Variants in COL10A1 observed in about 807,000 individuals in gnomAD.
COL10A1 encodes collagen alpha-1(X) chain.
A neutral mutation model predicts 18.2 loss-of-function variants in COL10A1; 10 were observed. That is an observed-to-expected ratio of 0.55 (90% confidence interval 0.34 to 0.93). COL10A1 has a LOEUF of 0.93. Among genes scored for constraint, COL10A1 ranks in the 40% least tolerant of loss-of-function variants. The probability of loss-of-function intolerance (pLI) is 0.02; values close to 1 mark genes in which losing one functional copy is unlikely to be tolerated. For synonymous variants in COL10A1, 330 were observed against 316.6 expected, an observed-to-expected ratio of 1.04 and a Z score of -0.45; for missense variants, 897 against 853.5, an observed-to-expected ratio of 1.05 and a Z score of -0.64.
the COL10A1 span, among the ~76,000 whole-genome samples, chr6:116,164,847 G>A: frequency 6.6e-6 from 1 of 152,020 alleles, no homozygotes; most frequent in Non-Finnish European, 1.5e-5. Flanking sequence ...GCTTTGGGAG[G>A]CCGAGGCAGG....
the COL10A1 span, among the ~76,000 whole-genome samples, chr6:116,168,284 C>A: frequency 6.6e-6 from 1 of 151,938 alleles, no homozygotes; most frequent in Non-Finnish European, 1.5e-5. Context: ...TTCACCTTCT[C>A]TCTTTTCTTG....
At chr6:116,140,119 C>T (rs575888143) in intron 1 of COL10A1, among the ~76,000 whole-genome samples, 3 of 152,282 alleles carry the variant, frequency 2.0e-5, no homozygotes, top group Admixed American at 6.5e-5. Context: ...TTGAATGCCG[C>T]CCTCCTATGG....
At chr6:116,178,860 T>TA in the COL10A1 span, among the ~76,000 whole-genome samples, 290 of 152,348 alleles carry the variant, frequency 1.9e-3, 4 homozygotes, top group African/African-American at 6.4e-3. Context: ...GTTTGCCTTA[T>TA]AAAAATCTTC....
At chr6:116,200,003 G>GTT in the COL10A1 span, among the ~76,000 whole-genome samples, 3 of 150,984 alleles carry the variant, frequency 2.0e-5, no homozygotes, top group African/African-American at 7.4e-5. Flanking sequence ...GGAAAGTGGG[G>GTT]GGGGAAGAGT....
chr6:116,158,468 AGAAG>A (rs769307712), intron 1 of COL10A1: 13 of 152,242 alleles, frequency 8.5e-5, no homozygotes, highest in Non-Finnish European at 1.6e-4. Context: ...TATGAGACAC[AGAAG>A]GAAGTATCAT....
chr6:116,208,113 A>G, the COL10A1 span, among the ~76,000 whole-genome samples: 2 of 151,946 alleles, frequency 1.3e-5, no homozygotes, highest in African/African-American at 4.8e-5. Flanking sequence ...AATGACCCCT[A>G]ATATCTAGCT....
At chr6:116,176,679 C>T in the COL10A1 span, among the ~76,000 whole-genome samples, 4 of 152,160 alleles carry the variant, frequency 2.6e-5, no homozygotes, top group African/African-American at 7.2e-5. Context: ...ACATATTGTC[C>T]TTTATGGTGC....
chr6:116,134,994 A>G (rs1779554651), intron 1 of COL10A1, among the ~76,000 whole-genome samples: 1 of 152,156 alleles, frequency 6.6e-6, no homozygotes, highest in African/African-American at 2.4e-5. Context: ...GCAACAAATA[A>G]CTTTTTAGAC....
chr6:116,198,710 C>T, the COL10A1 span, among the ~76,000 whole-genome samples: 1 of 151,914 alleles, frequency 6.6e-6, no homozygotes, highest in Non-Finnish European at 1.5e-5. Flanking sequence ...GCCTGGGCAA[C>T]AGGGGAAGAT....
the COL10A1 span, among the ~76,000 whole-genome samples, chr6:116,173,272 G>T: frequency 1.3e-5 from 2 of 152,140 alleles, no homozygotes; most frequent in East Asian, 3.8e-4. Flanking sequence ...GCTGCTCCAC[G>T]TTTTATTTTT....
At chr6:116,207,485 G>A in the COL10A1 span, among the ~76,000 whole-genome samples, 6,447 of 151,568 alleles carry the variant, frequency 0.043, 218 homozygotes, top group African/African-American at 0.09. Flanking sequence ...CATGCTTACC[G>A]GGTAAAGAGT....
At chr6:116,170,319 T>C in the COL10A1 span, among the ~76,000 whole-genome samples, 2 of 152,118 alleles carry the variant, frequency 1.3e-5, no homozygotes, top group African/African-American at 4.8e-5. Context: ...TTTTTTTAAT[T>C]CAAAAGAAAG....
chr6:116,168,635 G>A, the COL10A1 span, among the ~76,000 whole-genome samples: 1 of 151,460 alleles, frequency 6.6e-6, no homozygotes. Flanking sequence ...TTGATTGTTT[G>A]TTTTGTTTTT....
At chr6:116,201,191 T>C in the COL10A1 span, among the ~76,000 whole-genome samples, 2 of 151,964 alleles carry the variant, frequency 1.3e-5, no homozygotes, top group Non-Finnish European at 2.9e-5. Flanking sequence ...GGAGGGACAA[T>C]ACATGAGCAG....
intron 1 of COL10A1, among the ~76,000 whole-genome samples, chr6:116,152,845 T>C (rs914945223): frequency 2.0e-5 from 3 of 152,292 alleles, no homozygotes; most frequent in Non-Finnish European, 4.4e-5. Flanking sequence ...AGTTATTTAT[T>C]TTCTATAGTT....
At chr6:116,150,857 A>G (rs1780021254) in intron 1 of COL10A1, among the ~76,000 whole-genome samples, 1 of 152,198 alleles carries the variant, frequency 6.6e-6, no homozygotes, top group Non-Finnish European at 1.5e-5. Context: ...ATGTCACATC[A>G]AATTTTGTGT....
At chr6:116,203,404 G>T in the COL10A1 span, among the ~76,000 whole-genome samples, 2 of 151,770 alleles carry the variant, frequency 1.3e-5, no homozygotes, top group African/African-American at 4.8e-5. Context: ...CCCTTTCCTG[G>T]AGAGACACCT....
intron 1 of COL10A1, among the ~76,000 whole-genome samples, chr6:116,144,718 A>G (rs976867394): frequency 3.3e-5 from 5 of 152,208 alleles, no homozygotes; most frequent in African/African-American, 1.2e-4. Flanking sequence ...CACACCAGTA[A>G]CATGTTCCCT....
At chr6:116,138,833 A>T (rs530650751) in intron 1 of COL10A1, among the ~76,000 whole-genome samples, 1 of 152,120 alleles carries the variant, frequency 6.6e-6, no homozygotes, top group East Asian at 1.9e-4. Flanking sequence ...TACAACTATG[A>T]TATTGAGAGA....
Sources: allele counts gnomAD v4.1 joint callset (sites outside exome capture counted in the v4.1 genomes callset), GRCh38; gene constraint gnomAD v4.1.1; transcripts MANE v1.5; gene names NCBI Gene and HGNC (gene_info 2026-07-23, HGNC 2026-07-21).